Variants in COPB1 observed in about 807,000 individuals in gnomAD.
COPB1 encodes coat protein complex I subunit beta 1.
COPB1 carries 21 observed loss-of-function variants against 108.7 expected under a neutral mutation model. The observed-to-expected ratio is 0.19, with a 90% CI of 0.14 to 0.28. The LOEUF is 0.28. Among genes scored for constraint, COPB1 ranks in the 10% least tolerant of loss-of-function variants. COPB1 has a pLI of 1.00. For missense variants in COPB1, 919 were observed against 1,141.3 expected (o/e 0.81, Z 2.81); for synonymous variants, 378 against 386.8 (o/e 0.98, Z 0.27).
intron 1 of COPB1, 72 bp from the exon 2 acceptor site, chr11:14,499,057 C>A (rs866338625): frequency 4.2e-6 from 3 of 709,222 alleles, no homozygotes; most frequent in Non-Finnish European, 6.8e-6. Flanking sequence ...CCTATAGTGA[C>A]CTTTTAAAGT....
intron 18 of COPB1, among the ~76,000 whole-genome samples, chr11:14,464,362 C>T (rs1325260498): frequency 6.6e-6 from 1 of 152,182 alleles, no homozygotes; most frequent in African/African-American, 2.4e-5. Context: ...ACATACTGCA[C>T]ATATTTATTT....
intron 14 of COPB1, among the ~76,000 whole-genome samples, chr11:14,472,740 A>C (rs1850435960): frequency 6.6e-6 from 1 of 152,194 alleles, no homozygotes; most frequent in Non-Finnish European, 1.5e-5. Flanking sequence ...CTTCATGTCA[A>C]ACTTTTACAT....
chr11:14,483,304 A>T (rs1850704104), intron 7 of COPB1, among the ~76,000 whole-genome samples, 153 bp from the exon 8 acceptor site: 1 of 151,842 alleles, frequency 6.6e-6, no homozygotes. Context: ...CCTGTACTAG[A>T]GTTTATATAT....
In COPB1 at chr11:14,457,534, TATAAAATA is replaced by T; in HGVS notation, c.*282_*289del. ...AACTAAAATTATGTAATCATTTATT[TATAAAATA>T]ACAAAAATTTATGAATAGATCTGTT... On this transcript the variant is annotated 3_prime_UTR_variant, in exon 22 of 22. Coordinates refer to ENST00000439561, the MANE Select transcript of COPB1 (RefSeq NM_001144061.2). The T allele has an allele frequency of 5.4e-6, 1 of 183,958 alleles. No individual in the cohort carries two copies. The highest frequency in any genetic ancestry group is 2.4e-5 in the African/African-American group (1 of 42,490). 11.4% of individuals were successfully genotyped at this position (183,958 alleles called of 1,614,324 possible).
intron 8 of COPB1, 56 bp downstream of exon 8, chr11:14,482,976 G>T (rs748125871): frequency 1.3e-4 from 185 of 1,441,318 alleles, no homozygotes; most frequent in Non-Finnish European, 1.6e-4. Context: ...GCTTGAGAAT[G>T]ACCTAAATTT....
At chr11:14,498,444 C>T (rs954108691) in intron 2 of COPB1, among the ~76,000 whole-genome samples, 9 of 151,988 alleles carry the variant, frequency 5.9e-5, no homozygotes, top group Non-Finnish European at 1.2e-4. Flanking sequence ...GTGGGTAATC[C>T]AAAGAACAAA....
Position 14,457,765 on chromosome 11 carries a change from G to T in COPB1, c.*59C>A. ...GCATGAAAGAGTACAAAAGATGTTG[G>T]AGTCCAGTAAGCCCATACCTAAATT... On this transcript the variant is annotated 3_prime_UTR_variant, in exon 22 of 22. Coordinates refer to ENST00000439561, the MANE Select transcript of COPB1 (RefSeq NM_001144061.2). 9.7e-7 allele frequency: 1 copy of T among 1,033,508 alleles called. No homozygotes were observed. The highest frequency in any genetic ancestry group is 1.3e-5 in the South Asian group (1 of 77,166). The allele number at this position is 1,033,508 out of a possible 1,614,324, so 64.0% of individuals were successfully genotyped here. A position where few individuals can be genotyped will look rare whatever the true frequency, so the allele number is the denominator to read the frequency against.
intron 5 of COPB1, among the ~76,000 whole-genome samples, chr11:14,489,959 A>T (rs1237712593): frequency 1.3e-5 from 2 of 152,190 alleles, no homozygotes; most frequent in African/African-American, 4.8e-5. Context: ...CAGTGTCTAG[A>T]TTTCAGAGGA....
chr11:14,476,762 C>CTTT (rs10612229), intron 12 of COPB1, among the ~76,000 whole-genome samples, 157 bp downstream of exon 12: 6 of 131,002 alleles, frequency 4.6e-5, no homozygotes, highest in African/African-American at 5.6e-5. Context: ...GCTACTGCTT[C>CTTT]TTTTTTTTTT....
At chr11:14,470,465 C>T (rs1469265298) in intron 14 of COPB1, among the ~76,000 whole-genome samples, 2 of 152,208 alleles carry the variant, frequency 1.3e-5, no homozygotes, top group African/African-American at 2.4e-5. Flanking sequence ...AGCCTTCATA[C>T]TGAAGTCCGT....
rs199874307 is a variant in COPB1, at chr11:14,488,546, T to C, written c.645A>G (p.Gln215=). The C allele has an allele frequency of 2.4e-4, 389 of 1,608,178 alleles. No homozygotes were observed. The highest frequency in any genetic ancestry group is 3.3e-4 in the Non-Finnish European group (384 of 1,176,540). The change falls in exon 6 of 22, where the codon CAA becomes CAG. Residue 215 remains glutamine (Q), a synonymous_variant. Transcript: ENST00000439561. ...ALDYLSTCID[Q]VQTFGDILQL... Reference sequence around the variant, plus strand: ...GCAGAATGTCTCCAAATGTTTGAACTTGATCAATGCAAGTACTTAAGTAAT... The same window carrying C: ...GCAGAATGTCTCCAAATGTTTGAACCTGATCAATGCAAGTACTTAAGTAAT...
At chr11:14,464,262 C>A (rs573668698) in intron 18 of COPB1, among the ~76,000 whole-genome samples, 1 of 152,368 alleles carries the variant, frequency 6.6e-6, no homozygotes, top group South Asian at 2.1e-4. Flanking sequence ...CAATCCCCCA[C>A]CACTCTGAGA....
intron 18 of COPB1, among the ~76,000 whole-genome samples, chr11:14,464,625 C>T (rs1238668533): frequency 6.6e-6 from 1 of 151,938 alleles, no homozygotes; most frequent in Non-Finnish European, 1.5e-5. Context: ...TCCCTAACCT[C>T]AAAGCATATG....
At chr11:14,476,525 A>G (rs1036906429) in intron 12 of COPB1, among the ~76,000 whole-genome samples, 3 of 152,212 alleles carry the variant, frequency 2.0e-5, no homozygotes, top group African/African-American at 7.2e-5. Flanking sequence ...ACTGATGTCA[A>G]GTTAGGTTGA....
At chr11:14,488,058 C>T (rs1425892256) in intron 6 of COPB1, among the ~76,000 whole-genome samples, 1 of 152,334 alleles carries the variant, frequency 6.6e-6, no homozygotes, top group Non-Finnish European at 1.5e-5. Flanking sequence ...CAATGGCCTA[C>T]AATGTCATAT....
In COPB1 at chr11:14,457,860, A is replaced by G. The variant is rs1158366454; in HGVS notation, c.2826T>C (p.Asp942=). The change falls in exon 22 of 22, where the codon GAT becomes GAC. Residue 942 remains aspartate (D), a synonymous_variant. Coordinates refer to ENST00000439561, the MANE Select transcript of COPB1 (RefSeq NM_001144061.2). ...KSQGMALSLG[D]KINLSQKKTS... is the part of the protein sequence containing the mutation. Reference sequence around the variant, plus strand: ...TTTTCTTCTGTGACAAGTTGATTTTATCTCCAAGACTTAAGGCCATTCCCT... The same window carrying G: ...TTTTCTTCTGTGACAAGTTGATTTTGTCTCCAAGACTTAAGGCCATTCCCT... The G allele has an allele frequency of 6.3e-7, 1 of 1,589,750 alleles. No homozygotes were observed. Among genetic ancestry groups the G allele is most frequent in the Admixed American group, 1.7e-5 (1 of 59,022 alleles).
intron 15 of COPB1, 100 bp downstream of exon 15, chr11:14,469,236 G>T: frequency 1.0e-6 from 1 of 961,508 alleles, no homozygotes; most frequent in Non-Finnish European, 1.6e-6. Flanking sequence ...GCCCCAAGGA[G>T]TCCTCCTGCC....
intron 7 of COPB1, 47 bp from the exon 8 acceptor site, chr11:14,483,198 A>C (rs775087722): frequency 7.0e-7 from 1 of 1,426,920 alleles, no homozygotes; most frequent in South Asian, 1.3e-5. Context: ...CATCTATCAT[A>C]AAATTTGAAA....
At chr11:14,492,163 TTCA>T (rs1850918506) in intron 4 of COPB1, among the ~76,000 whole-genome samples, 1 of 152,148 alleles carries the variant, frequency 6.6e-6, no homozygotes, top group Admixed American at 6.6e-5. Context: ...AAACTAATTA[TTCA>T]TCATCACACC....
Sources: allele counts gnomAD v4.1 joint callset (sites outside exome capture counted in the v4.1 genomes callset), GRCh38; gene constraint gnomAD v4.1.1; transcripts MANE v1.5; gene names NCBI Gene and HGNC (gene_info 2026-07-23, HGNC 2026-07-21).